The following ARHGAP44 variants were observed in gnomAD, a reference collection of about 807,000 sequenced individuals.
ARHGAP44 encodes the protein Rho GTPase activating protein 44, also known as rho GTPase-activating protein 44.
A neutral mutation model predicts 106.8 loss-of-function variants in ARHGAP44; 43 were observed. The ratio of observed to expected loss-of-function variants is 0.40; its 90% CI spans 0.32 to 0.52. The LOEUF (loss-of-function observed/expected upper bound fraction) is 0.52. Among genes scored for constraint, ARHGAP44 ranks in the 20% least tolerant of loss-of-function variants. The probability of loss-of-function intolerance (pLI) is 0.48; values close to 1 mark genes in which losing one functional copy is unlikely to be tolerated. For missense variants in ARHGAP44, 866 were observed against 1,050.5 expected (o/e 0.82, Z 2.43); for synonymous variants, 439 against 410.3 (o/e 1.07, Z -0.85).
chr17:12,974,847 T>C (rs2039635426), intron 18 of ARHGAP44, among the ~76,000 whole-genome samples: 1 of 126,158 alleles, frequency 7.9e-6, no homozygotes, highest in East Asian at 3.0e-4. Context: ...ATGTGGTGTC[T>C]CTCAATTTTT....
chr17:12,976,400 G>T (rs373985015), intron 18 of ARHGAP44, among the ~76,000 whole-genome samples: 1,572 of 152,076 alleles, frequency 0.01, 20 homozygotes, highest in African/African-American at 0.035. Flanking sequence ...ATCACCTGAG[G>T]TCAGGAGCTC....
intron 1 of ARHGAP44, among the ~76,000 whole-genome samples, chr17:12,828,641 T>TTC (rs1459857193): frequency 1.3e-4 from 19 of 143,848 alleles, no homozygotes; most frequent in African/African-American, 1.8e-4. Flanking sequence ...TCTTTCTTTT[T>TTC]TTTTTTTTTT....
At chr17:12,843,538 A>G (rs1263134792) in intron 1 of ARHGAP44, among the ~76,000 whole-genome samples, 3 of 150,484 alleles carry the variant, frequency 2.0e-5, no homozygotes, top group Admixed American at 6.6e-5. Context: ...CTTGATTTGC[A>G]TCGTGTTTTC....
chr17:12,878,659 C>T (rs961273041), intron 1 of ARHGAP44, among the ~76,000 whole-genome samples: 1 of 152,156 alleles, frequency 6.6e-6, no homozygotes, highest in African/African-American at 2.4e-5. Context: ...GGTTAGCTTC[C>T]ATAGGTCAGG....
intron 9 of ARHGAP44, among the ~76,000 whole-genome samples, 159 bp downstream of exon 9, chr17:12,943,828 C>T (rs1279137584): frequency 2.0e-5 from 3 of 152,100 alleles, no homozygotes; most frequent in East Asian, 3.9e-4. Context: ...TGCCTTGAGT[C>T]GGGGGTGCGT....
chr17:12,845,579 A>C (rs1360360086), intron 1 of ARHGAP44, among the ~76,000 whole-genome samples: 1 of 151,746 alleles, frequency 6.6e-6, no homozygotes, highest in Non-Finnish European at 1.5e-5. Flanking sequence ...CAAGGACCTT[A>C]TCTGTCTTGC....
intron 20 of ARHGAP44, chr17:12,987,285 G>A (rs1218499841): frequency 6.5e-6 from 5 of 766,694 alleles, no homozygotes; most frequent in African/African-American, 3.5e-5. Context: ...AGCCTTCCCC[G>A]GCCTCAGCAA....
At chr17:12,878,971 G>A (rs2036637016) in intron 1 of ARHGAP44, among the ~76,000 whole-genome samples, 1 of 152,128 alleles carries the variant, frequency 6.6e-6, no homozygotes, top group African/African-American at 2.4e-5. Flanking sequence ...ACTTGTATCA[G>A]TAATTTTATT....
At chr17:12,945,623 T>C (rs888435917) in intron 10 of ARHGAP44, among the ~76,000 whole-genome samples, 3 of 152,158 alleles carry the variant, frequency 2.0e-5, no homozygotes, top group African/African-American at 7.2e-5. Context: ...GTAAGGGCTA[T>C]GGATGAGAAG....
At chr17:12,960,014 A>T (rs2039219913) in intron 16 of ARHGAP44, among the ~76,000 whole-genome samples, 1 of 152,144 alleles carries the variant, frequency 6.6e-6, no homozygotes, top group South Asian at 2.1e-4. Flanking sequence ...TCTGAATGGG[A>T]GTTGGTATTG....
rs542996259 is a variant in ARHGAP44 at position 12,864,442 on chromosome 17, T to G, written c.54-30498T>G. Among the ~76,000 whole-genome samples, 23 of 152,218 alleles carry G rather than the reference T, an allele frequency of 1.5e-4. 1 individual carries two copies. In the South Asian group the frequency reaches 4.6e-3, roughly 30 times the overall value. ...AGGCTGAACTGGAGGTCTGAATTACTCCTTGTGATTAGGACATGATGAGTA... is the reference window on the plus strand; with the variant it reads ...AGGCTGAACTGGAGGTCTGAATTACGCCTTGTGATTAGGACATGATGAGTA... On this transcript the variant is annotated intron_variant, in intron 1 of 20. Transcript: ENST00000379672.
At chr17:12,963,728 T>TGCACCAGTGCCGTGTG (rs2039322844) in intron 16 of ARHGAP44, among the ~76,000 whole-genome samples, 9 of 128,072 alleles carry the variant, frequency 7.0e-5, no homozygotes, top group South Asian at 5.9e-4. Context: ...CAGGCCGGCC[T>TGCACCAGTGCCGTGTG]TGCGAAGCCC....
At position 12,928,944 on chromosome 17, in the gene ARHGAP44, C is replaced by T; in HGVS notation, c.480C>T (p.Ser160=). ...TTTCCATCAGGTGGCAGCAGACTTCCAAGTCTTCAGGTTTGTCCAGCAGCT... is the reference window on the plus strand; with the variant it reads ...TTTCCATCAGGTGGCAGCAGACTTCTAAGTCTTCAGGTTTGTCCAGCAGCT... The part of the protein sequence containing the change: ...DSSRTRWQQT[S]KSSGLSSSLQ... The change falls in exon 7 of 21, where the codon TCC becomes TCT. Residue 160 remains serine, a synonymous_variant. Transcript: ENST00000379672. 2 of 1,612,344 alleles carry T rather than the reference C, an allele frequency of 1.2e-6. No homozygotes were observed. The highest frequency in any genetic ancestry group is 1.7e-6 in the Non-Finnish European group (2 of 1,179,258).
rs960241398 is a variant in ARHGAP44, at chr17:12,974,265, T to A, written c.1718T>A (p.Leu573His). The A allele has an allele frequency of 4.6e-6, 7 of 1,505,664 alleles. No homozygotes were observed. In the South Asian group the frequency reaches 9.0e-5, roughly 19 times the overall value. The allele number at this position is 1,505,664 out of a possible 1,614,324, so 93.3% of individuals were successfully genotyped here. A position where few individuals can be genotyped will look rare whatever the true frequency, so the allele number is the denominator to read the frequency against. The change falls in exon 18 of 21, where the codon CTC becomes CAC. Residue 573 changes from leucine (L) to histidine (H), a missense_variant. This residue lies in a region of ARHGAP44 where 418 missense variants were observed against 403.6 expected (regional missense o/e 1.04). Coordinates refer to ENST00000379672, the MANE Select transcript of ARHGAP44 (RefSeq NM_014859.6). ...QPLDSPAAPA[L>H]SPSGLGLQPG... is the part of the protein sequence containing the mutation. ...CTGGACAGCCCCGCGGCCCCCGCGC[T>A]CTCTCCATCCGGCCTGGGCCTCCAG...
intron 12 of ARHGAP44, among the ~76,000 whole-genome samples, chr17:12,950,757 G>C (rs1310301425): frequency 6.6e-6 from 1 of 152,130 alleles, no homozygotes; most frequent in Non-Finnish European, 1.5e-5. Flanking sequence ...TTTTCTGAGA[G>C]CAGGACTAGA....
At chr17:12,923,110 A>T (rs1403645135) in intron 6 of ARHGAP44, among the ~76,000 whole-genome samples, 1 of 152,194 alleles carries the variant, frequency 6.6e-6, no homozygotes, top group African/African-American at 2.4e-5. Context: ...CATTGTTTTC[A>T]TATAAACTTG....
intron 1 of ARHGAP44, among the ~76,000 whole-genome samples, chr17:12,842,253 A>G (rs2035432104): frequency 6.6e-6 from 1 of 151,858 alleles, no homozygotes; most frequent in African/African-American, 2.4e-5. Context: ...TATAAAAAAT[A>G]TATGTATCAA....
intron 19 of ARHGAP44, among the ~76,000 whole-genome samples, chr17:12,983,251 C>T (rs964782000): frequency 3.6e-5 from 4 of 111,576 alleles, no homozygotes; most frequent in Non-Finnish European, 5.1e-5. Flanking sequence ...GGTGACAGAG[C>T]GAGACTCCAT....
chr17:12,905,878 A>G (rs1400994841), intron 3 of ARHGAP44, among the ~76,000 whole-genome samples: 2 of 152,220 alleles, frequency 1.3e-5, no homozygotes, highest in Non-Finnish European at 2.9e-5. Flanking sequence ...TTCAAGACGA[A>G]GCATCTTCAC....
Sources: gnomAD v4.1 joint callset for allele counts (sites outside exome capture counted in the v4.1 genomes callset) on GRCh38, gnomAD v4.1.1 for gene constraint, gnomAD v4.1.1 regional missense constraint, MANE v1.5 for transcripts, NCBI Gene and HGNC (gene_info 2026-07-23, HGNC 2026-07-21) for gene names.